The following SKOR2 variants were observed in gnomAD, a reference collection of about 807,000 sequenced individuals.
SKOR2 encodes LBX1 corepressor 1-like protein.
SKOR2 carries 47 observed loss-of-function variants against 69.1 expected under a neutral mutation model. That is an observed-to-expected ratio of 0.68 (90% CI 0.54 to 0.87). The LOEUF is 0.87. Ranked by LOEUF, SKOR2 falls within the 40% of genes least tolerant of loss-of-function variation. SKOR2 has a pLI of 0.00. For synonymous variants in SKOR2, 717 were observed against 672.6 expected, an observed-to-expected ratio of 1.07 and a Z score of -1.02; for missense variants, 1,404 against 1,472.2, an observed-to-expected ratio of 0.95 and a Z score of 0.76.
rs2064286644 is a variant in SKOR2 at position 47,247,629 on chromosome 18, C to T, written c.1555G>A (p.Ala519Thr). ...AFLDLAEPGG[A>T]AGSAEAAPPP... ...GGCGCGGCCTCGGCGCTCCCAGCAG[C>T]ACCGCCTGGCTCAGCCAGGTCCAGG... The change falls in exon 2 of 9, where the codon GCT (alanine) becomes ACT (threonine). Residue 519 changes from alanine to threonine, a missense_variant. This residue lies in a region of SKOR2 where 1,266 missense variants were observed against 1,309.9 expected (regional missense o/e 0.97). Coordinates refer to ENST00000425639, the MANE Select transcript of SKOR2 (RefSeq NM_001278063.4). This position sits in a 1 kb window ranked among gnomAD's most constrained non-coding sequence, Gnocchi z 6.6. The T allele has an allele frequency of 1.5e-6, 2 of 1,337,342 alleles. No individual in the cohort carries two copies. The highest frequency in any genetic ancestry group is 1.9e-5 in the South Asian group (1 of 51,792). The allele number at this position is 1,337,342 out of a possible 1,614,324, so 82.8% of individuals were successfully genotyped here.
In SKOR2 at chr18:47,223,546, G is replaced by T. The variant is rs1363167933; in HGVS notation, c.2918-3536C>A. ...TACATGCAAAGACTTAGTTACAAGG[G>T]TGTCCATTATCTAAAACTTGGACAA... On this transcript the variant is annotated intron_variant, in intron 6 of 8. Transcript: ENST00000425639. Among the ~76,000 whole-genome samples the T allele has an allele frequency of 2.0e-5, 3 of 152,258 alleles. No individual in the cohort carries two copies. In the East Asian group the frequency reaches 5.8e-4, roughly 29 times the overall value.
intron 4 of SKOR2, among the ~76,000 whole-genome samples, chr18:47,240,409 G>A (rs558639589): frequency 6.6e-6 from 1 of 152,300 alleles, no homozygotes; most frequent in Non-Finnish European, 1.5e-5. Context: ...ATATTTTTGA[G>A]TAGGTAATAT....
intron 4 of SKOR2, among the ~76,000 whole-genome samples, chr18:47,235,107 G>A (rs1451595088): frequency 6.6e-6 from 1 of 152,062 alleles, no homozygotes; most frequent in Non-Finnish European, 1.5e-5. Context: ...GCTCACACCT[G>A]TAATCCCAGA....
chr18:47,219,500 C>T (rs1350798427), intron 7 of SKOR2, among the ~76,000 whole-genome samples: 1 of 151,872 alleles, frequency 6.6e-6, no homozygotes, highest in African/African-American at 2.4e-5. Flanking sequence ...TTCTTTTCAT[C>T]ATCCTTCAAG....
In SKOR2 at chr18:47,248,717, C is replaced by T. The variant is rs1442842021; in HGVS notation, c.467G>A (p.Arg156His). 2.6e-6 allele frequency: 4 copies of T among 1,557,632 alleles called. No homozygotes were observed. The highest frequency in any genetic ancestry group is 8.6e-7 in the Non-Finnish European group (1 of 1,157,948). Residue 156 changes from arginine (R) to histidine (H), a missense_variant, in exon 2 of 9, where the codon CGC (arginine) becomes CAC (histidine). Coordinates refer to ENST00000425639, the MANE Select transcript of SKOR2 (RefSeq NM_001278063.4). The surrounding 1 kb of genome is among the most constrained non-coding windows in gnomAD (Gnocchi z 6.4). The part of the protein sequence containing the change: ...DVSHECAWGC[R>H]GSFIPARYNS... ...GTAGCGCGCGGGAATGAAGCTGCCG[C>T]GGCAGCCCCAGGCGCACTCGTGTGA...
chr18:47,213,095 G>A (rs929320672), intron 7 of SKOR2, among the ~76,000 whole-genome samples: 1 of 151,980 alleles, frequency 6.6e-6, no homozygotes, highest in African/African-American at 2.4e-5. Context: ...GATCACAGTT[G>A]GTATGCTACT....
intron 7 of SKOR2, among the ~76,000 whole-genome samples, chr18:47,219,660 T>C (rs973594073): frequency 1.3e-5 from 2 of 152,286 alleles, no homozygotes; most frequent in South Asian, 2.1e-4. Flanking sequence ...TTTGGGAAGT[T>C]TGCATAATGG....
At chr18:47,250,715 A>G (rs1426852936) in intron 1 of SKOR2, among the ~76,000 whole-genome samples, 1 of 152,168 alleles carries the variant, frequency 6.6e-6, no homozygotes, top group African/African-American at 2.4e-5. Context: ...GCCTCCAGGA[A>G]GCTTGAACAA....
At chr18:47,229,795 G>A (rs1340982355) in intron 6 of SKOR2, among the ~76,000 whole-genome samples, 1 of 152,194 alleles carries the variant, frequency 6.6e-6, no homozygotes, top group East Asian at 1.9e-4. Flanking sequence ...ACCAGGGCAG[G>A]TGAATTTTAA....
Position 47,247,601 on chromosome 18 carries a change from G to T in SKOR2, c.1583C>A (p.Pro528Gln), listed in dbSNP as rs1174610358. ...GAAGSAEAAPPPGQPPQVVAN... is the reference protein window; with the variant it reads ...GAAGSAEAAPQPGQPPQVVAN... ...CACTACCTGCGGGGGCTGCCCCGGC[G>T]GGGGCGCGGCCTCGGCGCTCCCAGC... The change falls in exon 2 of 9, where the codon CCG becomes CAG. Residue 528 changes from proline to glutamine, a missense_variant. Pro to Gln is a moderately conservative substitution (Grantham distance 76). Coordinates refer to ENST00000425639, the MANE Select transcript of SKOR2 (RefSeq NM_001278063.4). This position sits in a 1 kb window ranked among gnomAD's most constrained non-coding sequence, Gnocchi z 6.6. The T allele has an allele frequency of 2.4e-6, 3 of 1,268,642 alleles. No homozygotes were observed. Among genetic ancestry groups the T allele is most frequent in the East Asian group, 6.4e-5 (2 of 31,070 alleles). 78.6% of individuals were successfully genotyped at this position (1,268,642 alleles called of 1,614,324 possible).
At chr18:47,220,254 C>G (rs2064157204) in intron 6 of SKOR2, among the ~76,000 whole-genome samples, 1 of 151,958 alleles carries the variant, frequency 6.6e-6, no homozygotes. Flanking sequence ...AGTATAATCT[C>G]TTGCATATGA....
intron 7 of SKOR2, among the ~76,000 whole-genome samples, chr18:47,218,158 A>G (rs2064149988): frequency 6.6e-6 from 1 of 152,224 alleles, no homozygotes; most frequent in African/African-American, 2.4e-5. Flanking sequence ...CATTAAGGTC[A>G]CATAACTGGC....
At chr18:47,224,981 G>A (rs1317209867) in intron 6 of SKOR2, among the ~76,000 whole-genome samples, 1 of 152,036 alleles carries the variant, frequency 6.6e-6, no homozygotes, top group African/African-American at 2.4e-5. Context: ...AATCTGTACA[G>A]TATTTTGGAA....
At chr18:47,244,360 C>G (rs969911997) in intron 4 of SKOR2, among the ~76,000 whole-genome samples, 1 of 152,176 alleles carries the variant, frequency 6.6e-6, no homozygotes, top group Non-Finnish European at 1.5e-5. Flanking sequence ...AAACAAAACC[C>G]TCTCCTTAAG....
Position 47,246,670 on chromosome 18 carries a change from C to CGGCGGG in SKOR2, c.2508_2513dup (p.Pro839_Pro840dup). 4 of 1,481,854 alleles carry CGGCGGG rather than the reference C, an allele frequency of 2.7e-6. No individual in the cohort carries two copies. The highest frequency in any genetic ancestry group is 1.4e-5 in the African/African-American group (1 of 69,118). The allele number at this position is 1,481,854 out of a possible 1,614,324, so 91.8% of individuals were successfully genotyped here. A position where few individuals can be genotyped will look rare whatever the true frequency, so the allele number is the denominator to read the frequency against. On this transcript the variant is annotated inframe_insertion, in exon 2 of 9. Coordinates refer to ENST00000425639, the MANE Select transcript of SKOR2 (RefSeq NM_001278063.4). The stretch of plus-strand genomic sequence containing the variant: ...TCGCCTTCTGGGGGGCCAGGGGCGG[C>CGGCGGG]GGCGGGGGCGGGGGCAGGTCCGAGC...
At position 47,247,505 on chromosome 18, in the gene SKOR2, G is replaced by A. The variant is rs2064285137; in HGVS notation, c.1679C>T (p.Ser560Leu). 2 of 1,209,076 alleles carry A rather than the reference G, an allele frequency of 1.7e-6. No homozygotes were observed. Among genetic ancestry groups the A allele is most frequent in the Admixed American group, 4.4e-5 (1 of 22,700 alleles). The allele number at this position is 1,209,076 out of a possible 1,614,324, so 74.9% of individuals were successfully genotyped here. A position where few individuals can be genotyped will look rare whatever the true frequency, so the allele number is the denominator to read the frequency against. Residue 560 changes from serine to leucine, a missense_variant, in exon 2 of 9, where the codon TCG becomes TTG. Coordinates refer to ENST00000425639, the MANE Select transcript of SKOR2 (RefSeq NM_001278063.4). The surrounding 1 kb of genome is among the most constrained non-coding windows in gnomAD (Gnocchi z 6.6). ...GTCCCCGCCGCTGCCGCCCGGGGGC[G>A]ACTCGAAGAGCGCGTCGCGAGAGCC... Reference protein sequence around the residue: ...GAGSRDALFESPPGGSGGDCS... With the variant: ...GAGSRDALFELPPGGSGGDCS...
At chr18:47,213,648 A>G (rs1056740888) in intron 7 of SKOR2, among the ~76,000 whole-genome samples, 2 of 152,110 alleles carry the variant, frequency 1.3e-5, no homozygotes, top group African/African-American at 4.8e-5. Context: ...TTGATATATA[A>G]CCACAACATA....
intron 4 of SKOR2, among the ~76,000 whole-genome samples, chr18:47,240,582 G>A (rs1480749591): frequency 6.6e-6 from 1 of 152,028 alleles, no homozygotes; most frequent in Non-Finnish European, 1.5e-5. Context: ...TAAGGTTAAT[G>A]ACCATTAACA....
Position 47,212,158 on chromosome 18 carries a change from G to A in SKOR2, c.2986-7C>T, listed in dbSNP as rs184149517. ...AACTTGCTGCATAGGGGATCTGTAA[G>A]ACAAAAACAAGCAACACCATCCAGG... On this transcript the variant is annotated splice_region_variant and splice_polypyrimidine_tract_variant and intron_variant, in intron 7 of 8. Coordinates refer to ENST00000425639, the MANE Select transcript of SKOR2 (RefSeq NM_001278063.4). 6.1e-4 allele frequency: 748 copies of A among 1,231,874 alleles called. 2 individuals carry two copies. The highest frequency in any genetic ancestry group is 2.8e-3 in the Admixed American group (67 of 23,708). 76.3% of individuals were successfully genotyped at this position (1,231,874 alleles called of 1,614,324 possible).
Sources: allele counts gnomAD v4.1 joint callset (sites outside exome capture counted in the v4.1 genomes callset), GRCh38; gene constraint gnomAD v4.1.1; regional missense constraint gnomAD v4.1.1; non-coding constraint Gnocchi (gnomAD v3.1); transcripts MANE v1.5; gene names NCBI Gene and HGNC (gene_info 2026-07-23, HGNC 2026-07-21).